The following SNTB2 variants were observed in gnomAD, a reference collection of about 807,000 sequenced individuals.
SNTB2 encodes the protein beta-2-syntrophin.
Under a neutral mutation model 46.2 loss-of-function variants are expected in SNTB2, and 34 were observed. That is an observed-to-expected ratio of 0.74 (90% CI 0.56 to 0.98). SNTB2 has a LOEUF of 0.98. Among genes scored for constraint, SNTB2 ranks in the 50% least tolerant of loss-of-function variants. SNTB2 has a pLI of 0.00. For synonymous variants in SNTB2, 290 were observed against 312.6 expected (o/e 0.93, Z 0.76); for missense variants, 603 against 731.4 (o/e 0.82, Z 2.02).
At chr16:69,222,390 C>T (rs1051886105) in intron 1 of SNTB2, among the ~76,000 whole-genome samples, 1 of 151,988 alleles carries the variant, frequency 6.6e-6, no homozygotes, top group African/African-American at 2.4e-5. Flanking sequence ...GTCAGGCATT[C>T]GACATCAGCC....
intron 4 of SNTB2, among the ~76,000 whole-genome samples, chr16:69,271,206 C>A (rs557945351): frequency 6.6e-6 from 1 of 152,100 alleles, no homozygotes; most frequent in East Asian, 1.9e-4. Flanking sequence ...TTTCACATGG[C>A]CTTCCAGTAG....
chr16:69,202,769 T>C (rs1964176048), intron 1 of SNTB2, among the ~76,000 whole-genome samples: 1 of 151,840 alleles, frequency 6.6e-6, no homozygotes, highest in Non-Finnish European at 1.5e-5. Context: ...AGAGATGGGG[T>C]TTCGCCATGT....
chr16:69,215,277 C>T (rs373528841), intron 1 of SNTB2, among the ~76,000 whole-genome samples: 5 of 152,028 alleles, frequency 3.3e-5, no homozygotes, highest in East Asian at 3.9e-4. Flanking sequence ...CCCAGCTACA[C>T]GGGAGGCTGA....
intron 1 of SNTB2, among the ~76,000 whole-genome samples, chr16:69,213,287 C>T (rs1305126066): frequency 6.6e-6 from 1 of 151,902 alleles, no homozygotes; most frequent in Non-Finnish European, 1.5e-5. Flanking sequence ...CATGTGTGTC[C>T]TCTGTTATAT....
intron 3 of SNTB2, among the ~76,000 whole-genome samples, chr16:69,263,593 T>G (rs995060726): frequency 4.0e-5 from 6 of 151,876 alleles, no homozygotes; most frequent in Non-Finnish European, 7.4e-5. Context: ...TAATTTTGTA[T>G]TTTTAGTAGA....
chr16:69,196,168 G>T (rs1396228671), intron 1 of SNTB2, among the ~76,000 whole-genome samples: 1 of 152,118 alleles, frequency 6.6e-6, no homozygotes, highest in African/African-American at 2.4e-5. Flanking sequence ...GAGCTCGGGA[G>T]ATTGAGGCTG....
intron 4 of SNTB2, among the ~76,000 whole-genome samples, chr16:69,280,396 G>A (rs1965028620): frequency 2.0e-5 from 3 of 152,224 alleles, no homozygotes; most frequent in African/African-American, 7.2e-5. Context: ...CAGACGGGGT[G>A]GTTGCTGGGC....
chr16:69,211,146 A>T (rs1567398336), intron 1 of SNTB2, among the ~76,000 whole-genome samples: 2 of 152,038 alleles, frequency 1.3e-5, no homozygotes, highest in Non-Finnish European at 2.9e-5. Flanking sequence ...TAATGGGCTG[A>T]TTAAAAAAAA....
At position 69,299,823 on chromosome 16, in the gene SNTB2, C is replaced by G. The variant is rs753184014; in HGVS notation, c.1530+49C>G. 2.0e-6 allele frequency: 3 copies of G among 1,515,290 alleles called. No individual in the cohort carries two copies. The South Asian group carries it at 3.5e-5, about 18-fold the overall frequency. 93.9% of individuals were successfully genotyped at this position (1,515,290 alleles called of 1,614,324 possible). A position where few individuals can be genotyped will look rare whatever the true frequency, so the allele number is the denominator to read the frequency against. ...GTTTATCTAATAGATGTTCTCTTTC[C>G]TTCTCATTACTTCTTACCCCTTATA... On this transcript the variant is annotated intron_variant, in intron 6 of 6. Transcript: ENST00000336278.
intron 1 of SNTB2, among the ~76,000 whole-genome samples, chr16:69,238,926 G>A (rs966883685): frequency 3.3e-5 from 5 of 152,048 alleles, no homozygotes; most frequent in African/African-American, 9.7e-5. Flanking sequence ...ATAGCTTCCT[G>A]TTTCAGAATA....
Position 69,306,076 on chromosome 16 carries a change from G to C in SNTB2, c.*5152G>C, listed in dbSNP as rs1009532701. The stretch of plus-strand genomic sequence containing the variant: ...GTTAAATGGAATTTATTTTACACTA[G>C]TAATAGACTGCTTAAGTGGCTGATT... On this transcript the variant is annotated 3_prime_UTR_variant, in exon 7 of 7. Transcript: ENST00000336278. 1 of 152,074 alleles carries C rather than the reference G, an allele frequency of 6.6e-6. No individual in the cohort carries two copies. The highest frequency in any genetic ancestry group is 1.5e-5 in the Non-Finnish European group (1 of 68,024). 9.4% of individuals were successfully genotyped at this position (152,074 alleles called of 1,614,324 possible). A position where few individuals can be genotyped will look rare whatever the true frequency, so the allele number is the denominator to read the frequency against.
At chr16:69,262,626 T>A (rs1264946058) in intron 3 of SNTB2, among the ~76,000 whole-genome samples, 1 of 152,178 alleles carries the variant, frequency 6.6e-6, no homozygotes, top group Non-Finnish European at 1.5e-5. Context: ...CAAATATTTA[T>A]CATTCTTGTG....
chr16:69,251,113 C>A (rs1158347636), intron 2 of SNTB2, among the ~76,000 whole-genome samples: 1 of 149,290 alleles, frequency 6.7e-6, no homozygotes, highest in African/African-American at 2.4e-5. Context: ...CAAGTAGCTG[C>A]GACTACAGGC....
chr16:69,220,286 C>T (rs1180814818), intron 1 of SNTB2, among the ~76,000 whole-genome samples: 2 of 150,592 alleles, frequency 1.3e-5, no homozygotes, highest in Admixed American at 6.6e-5. Context: ...CTCAGCCTCC[C>T]GAGTAGCTGG....
At chr16:69,223,638 T>G (rs182951900) in intron 1 of SNTB2, among the ~76,000 whole-genome samples, 3 of 151,908 alleles carry the variant, frequency 2.0e-5, no homozygotes, top group Non-Finnish European at 1.5e-5. Flanking sequence ...ACAGTTTTGT[T>G]TTTTTTTTGA....
intron 3 of SNTB2, among the ~76,000 whole-genome samples, chr16:69,263,856 A>C (rs1964859658): frequency 1.3e-5 from 2 of 152,100 alleles, no homozygotes; most frequent in Non-Finnish European, 1.5e-5. Context: ...GATATATACA[A>C]AATAAATGTA....
At chr16:69,280,125 C>G (rs1965025511) in intron 4 of SNTB2, among the ~76,000 whole-genome samples, 1 of 152,176 alleles carries the variant, frequency 6.6e-6, no homozygotes, top group South Asian at 2.1e-4. Flanking sequence ...CACCCTTAAT[C>G]CGTTTAACCC....
intron 1 of SNTB2, among the ~76,000 whole-genome samples, chr16:69,237,603 C>CTTTCTTTTTT (rs764253701): frequency 8.4e-6 from 1 of 118,770 alleles, no homozygotes; most frequent in African/African-American, 3.3e-5. Flanking sequence ...TTCTTTCTTT[C>CTTTCTTTTTT]TTTTTTTTTT....
chr16:69,193,718 G>A (rs1964077676), intron 1 of SNTB2, among the ~76,000 whole-genome samples: 1 of 152,272 alleles, frequency 6.6e-6, no homozygotes, highest in East Asian at 1.9e-4. Flanking sequence ...GGCTCTTTGG[G>A]TTTCAAAACA....
Sources: allele counts gnomAD v4.1 joint callset (sites outside exome capture counted in the v4.1 genomes callset), GRCh38; gene constraint gnomAD v4.1.1; transcripts MANE v1.5; gene names NCBI Gene and HGNC (gene_info 2026-07-23, HGNC 2026-07-21).